UTRN: variants seen among roughly 807,000 people sequenced by gnomAD.
UTRN encodes dystrophin-related protein 1.
In UTRN, 283 loss-of-function variants were observed where a neutral mutation model predicts 463.9. The observed-to-expected ratio is 0.61, with a 90% CI of 0.55 to 0.67. UTRN has a LOEUF of 0.67. Among genes scored for constraint, UTRN ranks in the 30% least tolerant of loss-of-function variants. The pLI is 0.00. For synonymous variants in UTRN, 1,442 were observed against 1,431.5 expected (o/e 1.01, Z -0.17); for missense variants, 3,922 against 4,084.3 (o/e 0.96, Z 1.08).
At chr6:144,836,153 A>C (rs1781083221) in intron 70 of UTRN, 148 bp from the exon 71 acceptor site, 1 of 1,447,768 alleles carries the variant, frequency 6.9e-7, no homozygotes, top group African/African-American at 1.4e-5. Context: ...TTAAAACTAC[A>C]ATTTTATTCC....
chr6:144,797,818 C>T lies in UTRN; in HGVS notation c.9079-6C>T. The T allele has an allele frequency of 5.6e-6, 9 of 1,609,132 alleles. No homozygotes were observed. The highest frequency in any genetic ancestry group is 7.6e-6 in the Non-Finnish European group (9 of 1,177,674). ...TTCACTTTTAATATATTTCTTTTTT[C>T]ACCAGAATAACAATAAACCAGAAAT... On this transcript the variant is annotated splice_polypyrimidine_tract_variant and splice_region_variant and intron_variant, in intron 63 of 74. Coordinates refer to ENST00000367545, the MANE Select transcript of UTRN (RefSeq NM_007124.3).
At chr6:144,813,650 G>T (rs539374061) in intron 65 of UTRN, among the ~76,000 whole-genome samples, 10 of 152,114 alleles carry the variant, frequency 6.6e-5, no homozygotes, top group Non-Finnish European at 1.5e-4. Flanking sequence ...ATAAATCCAG[G>T]TGGCGATAAG....
chr6:144,683,792 C>T (rs1782453096), intron 52 of UTRN, among the ~76,000 whole-genome samples: 1 of 152,154 alleles, frequency 6.6e-6, no homozygotes, highest in South Asian at 2.1e-4. Context: ...CACCAAACGG[C>T]CTGAATACCA....
At chr6:144,555,295 T>A (rs1799277029) in intron 49 of UTRN, among the ~76,000 whole-genome samples, 1 of 152,168 alleles carries the variant, frequency 6.6e-6, no homozygotes, top group Non-Finnish European at 1.5e-5. Context: ...TGACTCACAG[T>A]TCATTTGAGG....
At chr6:144,609,575 T>C (rs1450558177) in intron 51 of UTRN, among the ~76,000 whole-genome samples, 1 of 152,126 alleles carries the variant, frequency 6.6e-6, no homozygotes, top group Non-Finnish European at 1.5e-5. Context: ...TGAATTGCAG[T>C]ATAGACCAAA....
chr6:144,841,022 G>T (rs921039361), intron 73 of UTRN, among the ~76,000 whole-genome samples, 190 bp downstream of exon 73: 5 of 152,192 alleles, frequency 3.3e-5, no homozygotes, highest in Admixed American at 2.6e-4. Context: ...CAAGTAACGG[G>T]GGTACAGTCG....
At chr6:144,433,415 C>T (rs1302154841) in intron 9 of UTRN, among the ~76,000 whole-genome samples, 4 of 151,938 alleles carry the variant, frequency 2.6e-5, no homozygotes, top group Non-Finnish European at 5.9e-5. Context: ...AGACGCTCCT[C>T]ACTTCCCAGA....
intron 28 of UTRN, among the ~76,000 whole-genome samples, chr6:144,486,050 G>A (rs546051472): frequency 3.9e-4 from 59 of 152,304 alleles, no homozygotes; most frequent in African/African-American, 1.4e-3. Flanking sequence ...TCAGTTCCCA[G>A]CACAGTGTGT....
Position 144,286,524 on chromosome 6 carries a change from C to T in UTRN, c.-93+703C>T, listed in dbSNP as rs1488620101. Among the ~76,000 whole-genome samples the T allele has an allele frequency of 1.3e-5, 2 of 152,074 alleles. No homozygotes were observed. The highest frequency in any genetic ancestry group is 4.8e-5 in the African/African-American group (2 of 41,424). On this transcript the variant is annotated intron_variant, in intron 1 of 74. Transcript: ENST00000367545. This position sits in a 1 kb window ranked among gnomAD's most constrained non-coding sequence, Gnocchi z 4.4. ...TTGGTGTGTAGTCCCGCGCAGTCGC[C>T]GGCTCTCCTTTTCCGGACTCTGGGG...
intron 48 of UTRN, among the ~76,000 whole-genome samples, chr6:144,551,885 G>T (rs1798951302): frequency 6.6e-6 from 1 of 151,948 alleles, no homozygotes; most frequent in Admixed American, 6.6e-5. Flanking sequence ...TTCTTCCCAG[G>T]TGCAATTCTA....
At chr6:144,335,461 T>G (rs915853750) in intron 2 of UTRN, among the ~76,000 whole-genome samples, 10 of 152,376 alleles carry the variant, frequency 6.6e-5, no homozygotes, top group African/African-American at 2.4e-4. Flanking sequence ...TTCCTCAGCC[T>G]CTGACTTCTC....
At chr6:144,302,657 T>C (rs944949132) in intron 2 of UTRN, among the ~76,000 whole-genome samples, 8 of 152,210 alleles carry the variant, frequency 5.3e-5, no homozygotes, top group South Asian at 2.1e-4. Flanking sequence ...GTTCTTAAGA[T>C]GCTCTCAGGC....
At chr6:144,632,181 T>A (rs1004166014) in intron 51 of UTRN, among the ~76,000 whole-genome samples, 1 of 152,214 alleles carries the variant, frequency 6.6e-6, no homozygotes, top group Admixed American at 6.5e-5. Context: ...ACAACTTAAG[T>A]CTCAACTGCA....
intron 2 of UTRN, among the ~76,000 whole-genome samples, chr6:144,381,137 T>C (rs184935372): frequency 1.3e-5 from 2 of 152,220 alleles, no homozygotes; most frequent in African/African-American, 4.8e-5. Context: ...AAGCCTAGTA[T>C]CCATTAGTTA....
chr6:144,716,217 AG>A lies in UTRN; in HGVS notation c.7810-14139del. ...TGAATTGGCATACCTTTAATTGTTG[AG>A]ATAGCTTTTAAAATATAGCTTTTTT... On this transcript the variant is annotated intron_variant, in intron 53 of 74. Transcript: ENST00000367545. 2.0e-5 allele frequency among the ~76,000 whole-genome samples: 3 copies of A among 151,854 alleles called. No homozygotes were observed. In the South Asian group the frequency reaches 6.2e-4, roughly 32 times the overall value.
chr6:144,680,982 G>A (rs1285436205), intron 52 of UTRN, among the ~76,000 whole-genome samples: 3 of 152,146 alleles, frequency 2.0e-5, no homozygotes, highest in Admixed American at 2.0e-4. Context: ...GATGGAATTG[G>A]GAGCCTTTTG....
chr6:144,459,533 C>G (rs1190915591), intron 21 of UTRN, among the ~76,000 whole-genome samples, 179 bp downstream of exon 21: 1 of 152,150 alleles, frequency 6.6e-6, no homozygotes, highest in Non-Finnish European at 1.5e-5. Flanking sequence ...CAGATTCACA[C>G]CTTTTTGTAA....
chr6:144,690,089 T>G lies in UTRN; in HGVS notation c.7653-9998T>G, dbSNP rs1320473494. On this transcript the variant is annotated intron_variant, in intron 52 of 74. Coordinates refer to ENST00000367545, the MANE Select transcript of UTRN (RefSeq NM_007124.3). ...AAAAGTTTCTGTTTTTTTTTTTTTT[T>G]TTTTTTTGTGTGTGTGTGTGTGTGT... Among the ~76,000 whole-genome samples, 25 of 36,850 alleles carry G rather than the reference T, an allele frequency of 6.8e-4. 2 individuals are homozygous for G. Among genetic ancestry groups the G allele is most frequent in the African/African-American group, 2.3e-3 (16 of 6,926 alleles). 24.2% of individuals were successfully genotyped at this position (36,850 alleles called of 152,430 possible).
chr6:144,559,437 T>A (rs1473261133), intron 50 of UTRN, among the ~76,000 whole-genome samples: 1 of 152,184 alleles, frequency 6.6e-6, no homozygotes, highest in Non-Finnish European at 1.5e-5. Context: ...GGCTTCTATA[T>A]GTAAAGAGAG....
Sources: gnomAD v4.1 joint callset for allele counts (sites outside exome capture counted in the v4.1 genomes callset) on GRCh38, gnomAD v4.1.1 for gene constraint, Gnocchi (gnomAD v3.1) non-coding constraint, MANE v1.5 for transcripts, NCBI Gene and HGNC (gene_info 2026-07-23, HGNC 2026-07-21) for gene names.